The following RBFOX1 variants were observed in gnomAD, a reference collection of about 807,000 sequenced individuals.
The protein encoded by RBFOX1 is RNA binding fox-1 homolog 1, also known as RNA binding protein fox-1 homolog 1.
RBFOX1 carries 8 observed loss-of-function variants against 57.7 expected under a neutral mutation model. The observed-to-expected ratio is 0.14, with a 90% CI of 0.08 to 0.25. The LOEUF (loss-of-function observed/expected upper bound fraction) is 0.25, where lower values mean the gene tolerates loss of function less well. Ranked by LOEUF, RBFOX1 falls within the 10% of genes least tolerant of loss-of-function variation. The probability of loss-of-function intolerance (pLI) is 1.00; values close to 1 mark genes in which losing one functional copy is unlikely to be tolerated. For missense variants in RBFOX1, 611 were observed against 548.5 expected (o/e 1.11, Z -1.14); for synonymous variants, 326 against 222.4 (o/e 1.47, Z -4.15).
chr16:5,917,723 C>G (rs1023571747), intron 4 of RBFOX1, among the ~76,000 whole-genome samples: 1 of 152,210 alleles, frequency 6.6e-6, no homozygotes, highest in Admixed American at 6.5e-5. Context: ...CATAACCTCT[C>G]CCTTGCTTCA....
chr16:7,142,560 A>G (rs1382896736), intron 4 of RBFOX1, among the ~76,000 whole-genome samples: 2 of 152,166 alleles, frequency 1.3e-5, no homozygotes, highest in South Asian at 2.1e-4. Context: ...TTTCTTAGCC[A>G]TTGGGCTGTG....
chr16:7,341,669 T>C (rs2096893451), intron 4 of RBFOX1, among the ~76,000 whole-genome samples: 1 of 151,972 alleles, frequency 6.6e-6, no homozygotes, highest in Admixed American at 6.6e-5. Context: ...GAGTTCCTGC[T>C]ACATTTCAGA....
chr16:6,003,183 G>T (rs1178122157), intron 4 of RBFOX1, among the ~76,000 whole-genome samples: 1 of 151,726 alleles, frequency 6.6e-6, no homozygotes, highest in Non-Finnish European at 1.5e-5. Flanking sequence ...GGAAGCTGAC[G>T]CAGGAGAATG....
chr16:5,562,029 G>C (rs2045907140), intron 2 of RBFOX1, among the ~76,000 whole-genome samples: 1 of 152,130 alleles, frequency 6.6e-6, no homozygotes, highest in Non-Finnish European at 1.5e-5. Context: ...AGGGAAACTT[G>C]TCTTTTGTCA....
intron 4 of RBFOX1, among the ~76,000 whole-genome samples, chr16:7,138,247 G>T (rs1249249029): frequency 6.6e-6 from 1 of 152,182 alleles, no homozygotes; most frequent in Non-Finnish European, 1.5e-5. Context: ...TGGTAAGATT[G>T]CTGAGAGGGT....
intron 2 of RBFOX1, among the ~76,000 whole-genome samples, chr16:6,626,406 C>T (rs185336569): frequency 7.8e-4 from 118 of 152,244 alleles, no homozygotes; most frequent in South Asian, 1.4e-3. Flanking sequence ...CATTCTTCCT[C>T]CTTTGCTGTG....
At chr16:7,703,838 C>G (rs543949708) in intron 14 of RBFOX1, among the ~76,000 whole-genome samples, 1 of 152,168 alleles carries the variant, frequency 6.6e-6, no homozygotes, top group Non-Finnish European at 1.5e-5. Flanking sequence ...AATTAGATCT[C>G]AACTCCAAAA....
intron 1 of RBFOX1, among the ~76,000 whole-genome samples, chr16:6,207,198 C>G (rs1441573210): frequency 6.6e-6 from 1 of 152,114 alleles, no homozygotes; most frequent in Non-Finnish European, 1.5e-5. Context: ...CTGTCTTTTC[C>G]CTTTAGCTTT....
chr16:6,719,775 C>A (rs1477547582), intron 3 of RBFOX1, among the ~76,000 whole-genome samples: 3 of 151,970 alleles, frequency 2.0e-5, no homozygotes, highest in South Asian at 2.1e-4. Context: ...GTGCCAAATT[C>A]TTCTGGTTAT....
intron 3 of RBFOX1, among the ~76,000 whole-genome samples, chr16:5,857,536 A>G (rs920157299): frequency 1.3e-5 from 2 of 152,164 alleles, no homozygotes; most frequent in Admixed American, 6.5e-5. Flanking sequence ...CTGGGCCTGT[A>G]ATAACCTCCC....
intron 2 of RBFOX1, among the ~76,000 whole-genome samples, chr16:6,540,401 C>G (rs555722097): frequency 3.3e-5 from 5 of 151,768 alleles, no homozygotes; most frequent in African/African-American, 1.2e-4. Context: ...GTTACAAGGT[C>G]AGGAGATCGA....
chr16:5,891,481 G>C (rs2058043429), intron 4 of RBFOX1, among the ~76,000 whole-genome samples: 1 of 152,180 alleles, frequency 6.6e-6, no homozygotes, highest in Non-Finnish European at 1.5e-5. Context: ...TTTTAAAATA[G>C]ACAAACTAAT....
intron 3 of RBFOX1, among the ~76,000 whole-genome samples, chr16:6,968,417 C>G (rs974568672): frequency 6.6e-6 from 1 of 152,098 alleles, no homozygotes; most frequent in African/African-American, 2.4e-5. Context: ...TTCCTGGTCT[C>G]ATCTCACGCA....
chr16:6,026,463 T>C (rs2095196787), intron 1 of RBFOX1, among the ~76,000 whole-genome samples: 1 of 152,218 alleles, frequency 6.6e-6, no homozygotes, highest in Non-Finnish European at 1.5e-5. Context: ...ATTTTGAACC[T>C]GACAGTCTGA....
chr16:6,510,385 G>A (rs780470240), intron 2 of RBFOX1, among the ~76,000 whole-genome samples: 12 of 152,088 alleles, frequency 7.9e-5, no homozygotes, highest in Non-Finnish European at 1.3e-4. Context: ...CCAGTTTCCC[G>A]ATGCCGTTCT....
intron 3 of RBFOX1, among the ~76,000 whole-genome samples, chr16:6,854,609 T>TC (rs2057461324): frequency 6.9e-6 from 1 of 144,764 alleles, no homozygotes; most frequent in East Asian, 2.0e-4. Context: ...TTTTTTTTTT[T>TC]TTTGAGACTG....
intron 4 of RBFOX1, among the ~76,000 whole-genome samples, chr16:7,477,832 A>G (rs1242649642): frequency 6.6e-6 from 1 of 152,166 alleles, no homozygotes; most frequent in Non-Finnish European, 1.5e-5. Context: ...GTCTAGGAAA[A>G]TCTTCGAAAA....
chr16:5,914,728 C>G (rs538760259), intron 4 of RBFOX1, among the ~76,000 whole-genome samples: 1 of 152,242 alleles, frequency 6.6e-6, no homozygotes, highest in Non-Finnish European at 1.5e-5. Flanking sequence ...AAGCCCACCT[C>G]TACTAAAAAT....
intron 4 of RBFOX1, among the ~76,000 whole-genome samples, chr16:7,311,352 G>A (rs1383185890): frequency 6.6e-6 from 1 of 152,070 alleles, no homozygotes; most frequent in Non-Finnish European, 1.5e-5. Flanking sequence ...GGGATGCAAT[G>A]ACTATTTTTT....
Sources: gnomAD v4.1 joint callset for allele counts (sites outside exome capture counted in the v4.1 genomes callset) on GRCh38, gnomAD v4.1.1 for gene constraint, MANE v1.5 for transcripts, NCBI Gene and HGNC (gene_info 2026-07-23, HGNC 2026-07-21) for gene names.